CAST: variants seen among roughly 807,000 people sequenced by gnomAD.
The protein encoded by CAST is MIR583 host.
Under a neutral mutation model 119.6 loss-of-function variants are expected in CAST, and 76 were observed. The ratio of observed to expected loss-of-function variants is 0.64; its 90% CI spans 0.53 to 0.77. The LOEUF (loss-of-function observed/expected upper bound fraction) is 0.77. Ranked by LOEUF, CAST falls within the 30% of genes least tolerant of loss-of-function variation. CAST has a pLI of 0.00. For missense variants in CAST, 953 were observed against 946.5 expected (o/e 1.01, Z -0.09); for synonymous variants, 319 against 331.6 (o/e 0.96, Z 0.41).
At chr5:96,763,444 AG>A (rs1768733542) in intron 25 of CAST, among the ~76,000 whole-genome samples, 1 of 152,202 alleles carries the variant, frequency 6.6e-6, no homozygotes, top group South Asian at 2.1e-4. Flanking sequence ...TTAATAGCCT[AG>A]GCTGCCGTTT....
chr5:96,321,788 G>A, the CAST span, among the ~76,000 whole-genome samples: 1 of 152,208 alleles, frequency 6.6e-6, no homozygotes, highest in African/African-American at 2.4e-5. Flanking sequence ...ATGTAAGCAT[G>A]ACATACAGAT....
the CAST span, among the ~76,000 whole-genome samples, chr5:95,969,064 T>C: frequency 2.0e-5 from 3 of 152,188 alleles, no homozygotes; most frequent in South Asian, 2.1e-4. Context: ...TATTAAAATA[T>C]TCTAAGTTTA....
At chr5:96,141,385 AC>A in the CAST span, among the ~76,000 whole-genome samples, 36 of 152,296 alleles carry the variant, frequency 2.4e-4, no homozygotes, top group Admixed American at 4.6e-4. Flanking sequence ...TTCGTTTTCT[AC>A]TCAAATGATA....
chr5:96,457,639 G>A, the CAST span, among the ~76,000 whole-genome samples: 1 of 152,134 alleles, frequency 6.6e-6, no homozygotes, highest in Non-Finnish European at 1.5e-5. Flanking sequence ...CTTCCCACCT[G>A]CACACTTTGC....
chr5:96,590,285 CAT>C (rs1746940286), intron 1 of CAST, among the ~76,000 whole-genome samples: 1 of 152,198 alleles, frequency 6.6e-6, no homozygotes. Context: ...GATACACAAG[CAT>C]ATAAAAATTT....
chr5:96,432,106 T>C, the CAST span: 114 of 1,535,264 alleles, frequency 7.4e-5, no homozygotes, highest in East Asian at 1.8e-3. Context: ...AAGAAAGAAA[T>C]AGATCCCTTC....
At chr5:96,401,057 G>A in the CAST span, among the ~76,000 whole-genome samples, 4 of 129,752 alleles carry the variant, frequency 3.1e-5, no homozygotes, top group South Asian at 2.4e-4. Flanking sequence ...ACTGCAATCC[G>A]GCCTGGGCTA....
At chr5:96,131,934 G>A in the CAST span, among the ~76,000 whole-genome samples, 1 of 152,050 alleles carries the variant, frequency 6.6e-6, no homozygotes, top group East Asian at 1.9e-4. Flanking sequence ...AGAGTAGCAG[G>A]GTACATTGAA....
At chr5:96,541,001 T>C (rs1007950964) in intron 1 of CAST, among the ~76,000 whole-genome samples, 14 of 152,136 alleles carry the variant, frequency 9.2e-5, no homozygotes, top group African/African-American at 2.9e-4. Context: ...GTTACCCTTT[T>C]TCCCCCTTTC....
the CAST span, among the ~76,000 whole-genome samples, chr5:96,244,375 A>G: frequency 6.6e-6 from 1 of 152,254 alleles, no homozygotes; most frequent in Non-Finnish European, 1.5e-5. Context: ...CCTTCTAAAT[A>G]TAGTGTTGTA....
In CAST at chr5:96,688,798, C is replaced by T. The variant is rs147645554; in HGVS notation, c.139-7038C>T. 3.0e-3 allele frequency among the ~76,000 whole-genome samples: 462 copies of T among 152,122 alleles called. 2 individuals are homozygous for T. The highest frequency in any genetic ancestry group is 4.7e-3 in the Non-Finnish European group (322 of 67,982). On this transcript the variant is annotated intron_variant, in intron 2 of 31. Transcript: ENST00000675179. ...ATTTATTAAACCAGAAGAAAAAGAA[C>T]AATAAGCAGCATAGATAATAAAAGA...
At chr5:96,534,836 A>AGGGAGG in intron 1 of CAST, among the ~76,000 whole-genome samples, 1 of 141,114 alleles carries the variant, frequency 7.1e-6, no homozygotes, top group African/African-American at 2.6e-5. Context: ...AAAGAAGGAA[A>AGGGAGG]GAAGGAAGGA....
chr5:96,556,744 G>A (rs1189460244), intron 1 of CAST, among the ~76,000 whole-genome samples: 1 of 152,196 alleles, frequency 6.6e-6, no homozygotes, highest in African/African-American at 2.4e-5. Context: ...TGGTGTACCT[G>A]AAAGTGATGG....
rs1446468919 is a variant in CAST at position 96,695,882 on chromosome 5, C to T, written c.185C>T (p.Ala62Val). ...AGCAGTCAATCCTCCAGAACCTATG[C>T]TGGTGGAACAGCCTCGGCCACCAAG... ...LGSSQSSRTYAGGTASATKVS... is the reference protein window; with the variant it reads ...LGSSQSSRTYVGGTASATKVS... The change falls in exon 3 of 32, where the codon GCT becomes GTT. Residue 62 changes from alanine to valine, a missense_variant. Coordinates refer to ENST00000675179, the MANE Select transcript of CAST (RefSeq NM_001750.7). 6.2e-7 allele frequency: 1 copy of T among 1,613,062 alleles called. No homozygotes were observed. The highest frequency in any genetic ancestry group is 8.5e-7 in the Non-Finnish European group (1 of 1,179,310).
At chr5:96,756,188 C>G (rs951693536) in intron 22 of CAST, among the ~76,000 whole-genome samples, 1 of 152,142 alleles carries the variant, frequency 6.6e-6, no homozygotes, top group Non-Finnish European at 1.5e-5. Flanking sequence ...AGATTTGGCT[C>G]CCCGAGGGCA....
At chr5:96,467,875 C>T in the CAST span, among the ~76,000 whole-genome samples, 1 of 152,064 alleles carries the variant, frequency 6.6e-6, no homozygotes, top group South Asian at 2.1e-4. Context: ...CCAGCAATCT[C>T]ACTACTGGGT....
the CAST span, among the ~76,000 whole-genome samples, chr5:95,982,404 C>G: frequency 6.6e-6 from 1 of 152,016 alleles, no homozygotes. Flanking sequence ...TAGAACTGTT[C>G]TATCACCACA....
At chr5:96,513,640 G>A in the CAST span, among the ~76,000 whole-genome samples, 1 of 152,222 alleles carries the variant, frequency 6.6e-6, no homozygotes, top group Non-Finnish European at 1.5e-5. Context: ...GAAGATGGTA[G>A]TTACTCGGCT....
At chr5:96,253,876 G>A in the CAST span, among the ~76,000 whole-genome samples, 1,081 of 151,782 alleles carry the variant, frequency 7.1e-3, 9 homozygotes, top group African/African-American at 0.025. Context: ...ACAAAATTTC[G>A]CCTACTTTGG....
Sources: allele counts gnomAD v4.1 joint callset (sites outside exome capture counted in the v4.1 genomes callset), GRCh38; gene constraint gnomAD v4.1.1; transcripts MANE v1.5; gene names NCBI Gene and HGNC (gene_info 2026-07-23, HGNC 2026-07-21).